TEC: variants seen among roughly 807,000 people sequenced by gnomAD.
TEC encodes the protein tec protein tyrosine kinase, also known as tyrosine-protein kinase Tec.
In TEC, 72 loss-of-function variants were observed where a neutral mutation model predicts 93.0. That is an observed-to-expected ratio of 0.77 (90% CI 0.64 to 0.94). TEC has a LOEUF of 0.94. Ranked by LOEUF, TEC falls within the 40% of genes least tolerant of loss-of-function variation. The probability of loss-of-function intolerance (pLI) is 0.00; values close to 1 mark genes in which losing one functional copy is unlikely to be tolerated. For synonymous variants in TEC, 249 were observed against 247.7 expected, an observed-to-expected ratio of 1.01 and a Z score of -0.05; for missense variants, 630 against 757.9, an observed-to-expected ratio of 0.83 and a Z score of 1.98.
At chr4:48,138,623 T>A in intron 17 of TEC, 42 bp downstream of exon 17, 1 of 1,564,038 alleles carries the variant, frequency 6.4e-7, no homozygotes, top group Non-Finnish European at 8.6e-7. Context: ...CCAAGCCCAA[T>A]CCCTAAGAGA....
At position 48,167,940 on chromosome 4, in the gene TEC, G is replaced by C. The variant is rs1389205450; in HGVS notation, c.509C>G (p.Pro170Arg). 6.2e-7 allele frequency: 1 copy of C among 1,613,664 alleles called. No individual in the cohort carries two copies. Among genetic ancestry groups the C allele is most frequent in the Non-Finnish European group, 8.5e-7 (1 of 1,179,806 alleles). Reference protein sequence around the residue: ...APETKKRRPPPPIPLEEEDNS... With the variant: ...APETKKRRPPRPIPLEEEDNS... ...ATCTTCTTCTTCTAGTGGAATTGGT[G>C]GGGGAGGCCTTCGCTAGACAAGGAA... The change falls in exon 7 of 18, where the codon CCA (proline) becomes CGA (arginine). Residue 170 changes from proline (P) to arginine (R), a missense_variant. Physicochemically the swap from Pro to Arg is moderately radical, Grantham distance 103 (BLOSUM62 -2). This residue lies in a region of TEC where 335 missense variants were observed against 351.5 expected (regional missense o/e 0.95). Coordinates refer to ENST00000381501, the MANE Select transcript of TEC (RefSeq NM_003215.3).
intron 15 of TEC, 37 bp from the exon 16 acceptor site, chr4:48,139,059 G>C: frequency 6.6e-7 from 1 of 1,521,378 alleles, no homozygotes; most frequent in South Asian, 1.1e-5. Context: ...CACCTCTGAA[G>C]AACAATCTGT....
intron 1 of TEC, among the ~76,000 whole-genome samples, chr4:48,266,832 C>G (rs1724648493): frequency 8.6e-6 from 1 of 116,274 alleles, no homozygotes; most frequent in African/African-American, 2.9e-5. Context: ...GAGCAAAACT[C>G]TGTCTCAAAA....
intron 5 of TEC, 55 bp from the exon 6 acceptor site, chr4:48,168,681 A>G (rs965887935): frequency 1.3e-6 from 2 of 1,567,922 alleles, no homozygotes; most frequent in African/African-American, 1.4e-5. Context: ...ATAATTGATA[A>G]AAATAAGATA....
chr4:48,180,048 T>C (rs1448192275), intron 2 of TEC, among the ~76,000 whole-genome samples: 1 of 152,148 alleles, frequency 6.6e-6, no homozygotes, highest in African/African-American at 2.4e-5. Context: ...TAAATAGATA[T>C]AAGAAAATTT....
intron 6 of TEC, 118 bp from the exon 7 acceptor site, chr4:48,168,071 A>G (rs576657116): frequency 2.4e-6 from 2 of 842,704 alleles, no homozygotes; most frequent in South Asian, 3.5e-5. Flanking sequence ...AAGTCTACTT[A>G]CTATAATCCA....
intron 2 of TEC, among the ~76,000 whole-genome samples, chr4:48,216,256 A>C (rs867195111): frequency 6.6e-5 from 10 of 151,766 alleles, no homozygotes; most frequent in Middle Eastern, 6.8e-3. Context: ...AAAAAAAAAA[A>C]ACAAAAAACT....
chr4:48,141,261 C>A, intron 15 of TEC, 94 bp downstream of exon 15: 2 of 1,078,782 alleles, frequency 1.9e-6, no homozygotes, highest in Non-Finnish European at 1.4e-6. Context: ...AACAAGATTT[C>A]CTTTCTGCTT....
rs753232778 is a variant in TEC, at chr4:48,160,060, C to T, written c.738-3326G>A. Among the ~76,000 whole-genome samples the T allele has an allele frequency of 2.7e-4, 41 of 152,136 alleles. No homozygotes were observed. The East Asian group carries it at 4.0e-3, about 15-fold the overall frequency. ...CAGCAGTCAGGTGCTGCTCTAAGCA[C>T]GTTACATTTATTACCTCATTTCATC... On this transcript the variant is annotated intron_variant, in intron 8 of 17. Transcript: ENST00000381501.
chr4:48,175,029 G>T (rs766298914), intron 3 of TEC, among the ~76,000 whole-genome samples: 7 of 152,214 alleles, frequency 4.6e-5, no homozygotes, highest in Admixed American at 3.3e-4. Flanking sequence ...AAGCAAATCA[G>T]GCAGTTTGGC....
At chr4:48,224,984 C>T (rs576427865) in intron 2 of TEC, among the ~76,000 whole-genome samples, 35 of 152,218 alleles carry the variant, frequency 2.3e-4, no homozygotes, top group South Asian at 1.2e-3. Context: ...CGACAGCCTC[C>T]TCATTGTTTT....
chr4:48,268,283 A>G (rs1724691054), intron 1 of TEC, among the ~76,000 whole-genome samples: 2 of 152,236 alleles, frequency 1.3e-5, no homozygotes, highest in South Asian at 4.1e-4. Context: ...GGTATTGCCA[A>G]CTAGAGTAAA....
At chr4:48,157,247 C>T (rs561805968) in intron 8 of TEC, among the ~76,000 whole-genome samples, 4 of 152,330 alleles carry the variant, frequency 2.6e-5, no homozygotes, top group Middle Eastern at 3.4e-3. Flanking sequence ...AAGCCCTCCT[C>T]CTATCAATAT....
chr4:48,235,313 A>T (rs1246001694), intron 1 of TEC, among the ~76,000 whole-genome samples: 2 of 152,184 alleles, frequency 1.3e-5, no homozygotes, highest in Non-Finnish European at 2.9e-5. Context: ...GGCCTAGTAC[A>T]GGAGCTCAGT....
chr4:48,228,492 A>G lies in TEC; in HGVS notation c.123T>C (p.Tyr41=), dbSNP rs376398349. The G allele has an allele frequency of 7.2e-5, 115 of 1,608,328 alleles. 1 individual carries two copies. In the African/African-American group the frequency reaches 1.5e-3, roughly 21 times the overall value. ...FVLTKSMLTY[Y]EGRAEKKYRK... is the part of the protein sequence containing the mutation. ...TGTCTCTTACCTCTGCTCGACCCTC[A>G]TAGTAGGTTAGCATGGACTTTGTAA... is the stretch of plus-strand genomic sequence containing the variant. The change falls in exon 2 of 18, where the codon TAT becomes TAC. Residue 41 remains tyrosine (Y), a synonymous_variant. Coordinates refer to ENST00000381501, the MANE Select transcript of TEC (RefSeq NM_003215.3).
rs575260175 is a variant in TEC at position 48,226,940 on chromosome 4, T to C, written c.138+1537A>G. Among the ~76,000 whole-genome samples, 364 of 152,344 alleles carry C rather than the reference T, an allele frequency of 2.4e-3. 8 individuals are homozygous for C. Among genetic ancestry groups the C allele is most frequent in the Middle Eastern group, 0.01 (3 of 294 alleles). On this transcript the variant is annotated intron_variant, in intron 2 of 17. Coordinates refer to ENST00000381501, the MANE Select transcript of TEC (RefSeq NM_003215.3). ...CTTCTGGATTTTTAAATTTTTTAGA[T>C]TTAACAAAGCAAATATAGCACATAT... is the stretch of plus-strand genomic sequence containing the variant.
intron 2 of TEC, among the ~76,000 whole-genome samples, chr4:48,189,192 T>G (rs554363306): frequency 1.3e-5 from 2 of 152,348 alleles, no homozygotes; most frequent in South Asian, 4.1e-4. Context: ...GGCTGAAGTT[T>G]GGGCAACACT....
At chr4:48,235,007 G>GGT (rs1723747291) in intron 1 of TEC, among the ~76,000 whole-genome samples, 1 of 151,868 alleles carries the variant, frequency 6.6e-6, no homozygotes, top group Non-Finnish European at 1.5e-5. Flanking sequence ...AATAGAATGA[G>GGT]AGCTCCCACT....
chr4:48,204,762 G>C (rs770537409), intron 2 of TEC, among the ~76,000 whole-genome samples: 2 of 152,182 alleles, frequency 1.3e-5, no homozygotes, highest in African/African-American at 2.4e-5. Context: ...CTCCTATCAG[G>C]ATCTAATGCC....
Sources: allele counts gnomAD v4.1 joint callset (sites outside exome capture counted in the v4.1 genomes callset), GRCh38; gene constraint gnomAD v4.1.1; regional missense constraint gnomAD v4.1.1; transcripts MANE v1.5; gene names NCBI Gene and HGNC (gene_info 2026-07-23, HGNC 2026-07-21).